Variants in ERC2 observed in about 807,000 individuals in gnomAD.
ERC2 encodes the protein ERC protein 2.
Under a neutral mutation model 114.8 loss-of-function variants are expected in ERC2, and 42 were observed. The ratio of observed to expected loss-of-function variants is 0.37; its 90% CI spans 0.29 to 0.47. ERC2 has a LOEUF of 0.47. Among genes scored for constraint, ERC2 ranks in the 20% least tolerant of loss-of-function variants. The pLI is 0.99. For synonymous variants in ERC2, 454 were observed against 425.5 expected, an observed-to-expected ratio of 1.07 and a Z score of -0.82; for missense variants, 939 against 1,150.7, an observed-to-expected ratio of 0.82 and a Z score of 2.66.
chr3:55,624,877 T>C (rs1224292443), intron 17 of ERC2, among the ~76,000 whole-genome samples: 3 of 152,192 alleles, frequency 2.0e-5, no homozygotes, highest in Non-Finnish European at 2.9e-5. Context: ...CAGTCCTGGC[T>C]GGTCCCTAGT....
chr3:56,407,873 C>T (rs554561099), intron 2 of ERC2, among the ~76,000 whole-genome samples: 83 of 152,286 alleles, frequency 5.5e-4, no homozygotes, highest in African/African-American at 1.9e-3. Context: ...GATGCACACA[C>T]TATTCCCCCA....
intron 12 of ERC2, among the ~76,000 whole-genome samples, chr3:55,981,282 T>C (rs1419867489): frequency 6.6e-6 from 1 of 152,248 alleles, no homozygotes; most frequent in Non-Finnish European, 1.5e-5. Flanking sequence ...TAAAATTTTC[T>C]GACACTTCAC....
intron 13 of ERC2, among the ~76,000 whole-genome samples, chr3:55,914,157 T>C (rs542740185): frequency 6.6e-6 from 1 of 152,280 alleles, no homozygotes; most frequent in Admixed American, 6.5e-5. Context: ...ATGAAGTTTG[T>C]TAACTCTGAT....
intron 14 of ERC2, among the ~76,000 whole-genome samples, chr3:55,758,944 C>T (rs925264190): frequency 7.9e-5 from 12 of 152,166 alleles, no homozygotes; most frequent in African/African-American, 2.9e-4. Flanking sequence ...GAGGGTTAAC[C>T]GCTAAATTCC....
chr3:55,518,404 C>T (rs1355033141), intron 17 of ERC2, among the ~76,000 whole-genome samples: 1 of 152,070 alleles, frequency 6.6e-6, no homozygotes, highest in Non-Finnish European at 1.5e-5. Flanking sequence ...TAGGTACAAC[C>T]TCAGTAATAA....
At chr3:56,048,494 G>A (rs1164589708) in intron 7 of ERC2, among the ~76,000 whole-genome samples, 1 of 152,026 alleles carries the variant, frequency 6.6e-6, no homozygotes, top group Non-Finnish European at 1.5e-5. Context: ...GCATGCTCAA[G>A]AACAGCTCTT....
intron 1 of ERC2, among the ~76,000 whole-genome samples, chr3:56,466,275 T>C (rs1236720857): frequency 6.6e-6 from 1 of 152,216 alleles, no homozygotes; most frequent in African/African-American, 2.4e-5. Flanking sequence ...AAGGCTTAAT[T>C]CACAGAATTA....
chr3:56,433,842 T>C (rs1294793377), intron 2 of ERC2: 2 of 160,140 alleles, frequency 1.2e-5, no homozygotes, highest in African/African-American at 4.8e-5. Context: ...TTTGATCCAA[T>C]TCCATTTCAT....
chr3:56,311,819 ATGTGTGTGTGTGTGTGTGTGTGTG>A lies in ERC2; in HGVS notation c.658-15408_658-15385del, dbSNP rs10536094. Among the ~76,000 whole-genome samples, 14 of 142,962 alleles carry A rather than the reference ATGTGTGTGTGTGTGTGTGTGTGTG, an allele frequency of 9.8e-5. No homozygotes were observed. The South Asian group carries it at 2.1e-3, about 21-fold the overall frequency. The allele number at this position is 142,962 out of a possible 152,430, so 93.8% of individuals were successfully genotyped here. A position where few individuals can be genotyped will look rare whatever the true frequency, so the allele number is the denominator to read the frequency against. On this transcript the variant is annotated intron_variant, in intron 2 of 17. Transcript: ENST00000288221. ...GCCAGGTTAAATTATATACATATAAATGTGTGTGTGTGTGTGTGTGTGTGTGTGTGTGTGTGTGTATAAAATTAT... is the reference window on the plus strand; with the variant it reads ...GCCAGGTTAAATTATATACATATAAATGTGTGTGTGTGTGTATAAAATTAT...
At chr3:56,430,420 C>T (rs914551904) in intron 2 of ERC2, among the ~76,000 whole-genome samples, 12 of 152,300 alleles carry the variant, frequency 7.9e-5, no homozygotes, top group East Asian at 1.9e-4. Context: ...CAGTGGCTCA[C>T]GCCTGTAATC....
intron 2 of ERC2, among the ~76,000 whole-genome samples, chr3:56,383,291 C>T (rs1383240330): frequency 6.6e-6 from 1 of 152,140 alleles, no homozygotes; most frequent in Non-Finnish European, 1.5e-5. Flanking sequence ...ACTGGAATTT[C>T]ACAAAGAGCA....
chr3:56,442,557 C>T (rs962385658), intron 1 of ERC2, among the ~76,000 whole-genome samples: 5 of 152,122 alleles, frequency 3.3e-5, no homozygotes, highest in Non-Finnish European at 7.4e-5. Flanking sequence ...TGTGCTACTC[C>T]AGCTCGGCTT....
At chr3:56,406,135 T>A (rs1484480398) in intron 2 of ERC2, among the ~76,000 whole-genome samples, 1 of 130,682 alleles carries the variant, frequency 7.7e-6, no homozygotes, top group Non-Finnish European at 1.7e-5. Context: ...TCAAGTGATC[T>A]GCCCACATCA....
intron 17 of ERC2, among the ~76,000 whole-genome samples, chr3:55,524,910 C>T (rs904390442): frequency 6.6e-6 from 1 of 152,178 alleles, no homozygotes; most frequent in Non-Finnish European, 1.5e-5. Flanking sequence ...TTTTGGGTGC[C>T]TTCCACCTTT....
chr3:55,690,828 T>G (rs192321424), intron 16 of ERC2, among the ~76,000 whole-genome samples: 96 of 152,346 alleles, frequency 6.3e-4, no homozygotes, highest in Non-Finnish European at 1.0e-3. Flanking sequence ...TGTGCTCACA[T>G]GCAGGGAATT....
chr3:56,222,456 C>T (rs1029861277), intron 3 of ERC2, among the ~76,000 whole-genome samples: 1 of 152,160 alleles, frequency 6.6e-6, no homozygotes, highest in African/African-American at 2.4e-5. Context: ...CATCCATTGG[C>T]CAACTGTTAT....
chr3:55,531,232 T>G (rs529384173), intron 17 of ERC2, among the ~76,000 whole-genome samples: 3 of 152,232 alleles, frequency 2.0e-5, no homozygotes, highest in African/African-American at 7.2e-5. Flanking sequence ...TAGGATGTCT[T>G]TAAGGAGCTG....
At chr3:56,257,664 T>A (rs572885720) in intron 3 of ERC2, among the ~76,000 whole-genome samples, 2 of 152,376 alleles carry the variant, frequency 1.3e-5, no homozygotes, top group South Asian at 2.1e-4. Context: ...TTTCGGCCAT[T>A]GCCTTGCATG....
intron 7 of ERC2, among the ~76,000 whole-genome samples, chr3:56,073,190 G>T (rs1381563141): frequency 6.6e-6 from 1 of 152,116 alleles, no homozygotes; most frequent in Non-Finnish European, 1.5e-5. Context: ...GTGGGAGAAA[G>T]GTCTGTTATA....
Sources: allele counts gnomAD v4.1 joint callset (sites outside exome capture counted in the v4.1 genomes callset), GRCh38; gene constraint gnomAD v4.1.1; transcripts MANE v1.5; gene names NCBI Gene and HGNC (gene_info 2026-07-23, HGNC 2026-07-21).